The following PLXNA4 variants were observed in gnomAD, a reference collection of about 807,000 sequenced individuals.
PLXNA4 encodes the protein plexin A4.
PLXNA4 carries 44 observed loss-of-function variants against 191.8 expected under a neutral mutation model. The observed-to-expected ratio is 0.23, with a 90% CI of 0.18 to 0.29. The LOEUF (loss-of-function observed/expected upper bound fraction) is 0.29, where lower values mean the gene tolerates loss of function less well. Ranked by LOEUF, PLXNA4 falls within the 10% of genes least tolerant of loss-of-function variation. PLXNA4 has a pLI of 1.00. For synonymous variants in PLXNA4, 1,082 were observed against 1,009.5 expected (o/e 1.07, Z -1.36); for missense variants, 1,800 against 2,488.8 (o/e 0.72, Z 5.89).
At chr7:132,584,040 C>T (rs1446345107) in intron 2 of PLXNA4, among the ~76,000 whole-genome samples, 3 of 152,112 alleles carry the variant, frequency 2.0e-5, no homozygotes, top group Non-Finnish European at 4.4e-5. Flanking sequence ...TTGTGGAGAG[C>T]TGGTTGTTAA....
chr7:132,638,578 G>A (rs1803656049), intron 2 of PLXNA4, among the ~76,000 whole-genome samples: 1 of 152,088 alleles, frequency 6.6e-6, no homozygotes, highest in African/African-American at 2.4e-5. Context: ...CTTGAACCCG[G>A]GTGGCAGAGA....
intron 3 of PLXNA4, among the ~76,000 whole-genome samples, chr7:132,488,205 G>A (rs1030787431): frequency 2.0e-5 from 3 of 152,136 alleles, no homozygotes; most frequent in Non-Finnish European, 4.4e-5. Flanking sequence ...TCCTCCACAT[G>A]CTCCCATTCC....
intron 3 of PLXNA4, among the ~76,000 whole-genome samples, chr7:132,376,883 G>T (rs1321818302): frequency 6.6e-6 from 1 of 152,162 alleles, no homozygotes; most frequent in African/African-American, 2.4e-5. Flanking sequence ...TCGGTGCCAG[G>T]CAGGGTTAAT....
At chr7:132,543,201 T>C (rs1800156370) in intron 1 of PLXNA4, among the ~76,000 whole-genome samples, 1 of 152,198 alleles carries the variant, frequency 6.6e-6, no homozygotes, top group African/African-American at 2.4e-5. Flanking sequence ...TCAGAAATTG[T>C]CATTTTTCTT....
upstream of PLXNA4, among the ~76,000 whole-genome samples, chr7:132,582,146 A>G (rs895189462): frequency 6.6e-6 from 1 of 152,166 alleles, no homozygotes; most frequent in African/African-American, 2.4e-5. Context: ...GACTGGATAC[A>G]ATTCACGTCT....
chr7:132,145,786 G>T (rs970027186), intron 28 of PLXNA4, among the ~76,000 whole-genome samples: 1 of 151,784 alleles, frequency 6.6e-6, no homozygotes, highest in African/African-American at 2.4e-5. Context: ...AAATGGTGCC[G>T]GAGGCCAGAC....
rs139520273 is a variant in PLXNA4 at position 132,208,034 on chromosome 7, C to T, written c.2298+2909G>A. ...TAACAGGATTAAGTAGATACCCTCT[C>T]AGGTCTATTCTTGTCTGATGGTACC... On this transcript the variant is annotated intron_variant, in intron 10 of 31. Transcript: ENST00000321063. 1.1e-3 allele frequency among the ~76,000 whole-genome samples: 167 copies of T among 152,302 alleles called. 1 individual carries two copies. The highest frequency in any genetic ancestry group is 2.0e-3 in the Non-Finnish European group (136 of 68,024).
intron 3 of PLXNA4, chr7:132,384,824 A>T (rs1805053331): frequency 8.8e-7 from 1 of 1,140,766 alleles, no homozygotes; most frequent in Admixed American, 4.7e-5. Flanking sequence ...AAGTGGACAG[A>T]TGAGCATAAG....
chr7:132,170,987 C>T (rs1410105727), intron 21 of PLXNA4, among the ~76,000 whole-genome samples: 2 of 152,180 alleles, frequency 1.3e-5, no homozygotes, highest in African/African-American at 2.4e-5. Context: ...CTGCTTTCTT[C>T]GTGCCTGCCT....
intron 2 of PLXNA4, among the ~76,000 whole-genome samples, chr7:132,644,378 C>T (rs1803814532): frequency 6.6e-6 from 1 of 152,196 alleles, no homozygotes; most frequent in African/African-American, 2.4e-5. Context: ...CTTCGTCTTG[C>T]TCAAGAATCT....
intron 4 of PLXNA4, among the ~76,000 whole-genome samples, chr7:132,275,080 C>T (rs762096663): frequency 6.6e-6 from 1 of 152,064 alleles, no homozygotes; most frequent in Non-Finnish European, 1.5e-5. Context: ...TGCAAATATC[C>T]AGTTTCTCCT....
intron 3 of PLXNA4, among the ~76,000 whole-genome samples, chr7:132,458,376 G>A (rs1283706618): frequency 6.6e-6 from 1 of 151,934 alleles, no homozygotes; most frequent in Non-Finnish European, 1.5e-5. Context: ...ATCAAGGGCA[G>A]CACTGTTCAT....
intron 3 of PLXNA4, among the ~76,000 whole-genome samples, chr7:132,430,738 G>A (rs1795227914): frequency 6.6e-6 from 1 of 152,206 alleles, no homozygotes; most frequent in Non-Finnish European, 1.5e-5. Flanking sequence ...AGGCAAAAGA[G>A]TTTAAACATC....
chr7:132,364,373 G>T (rs867852908), intron 3 of PLXNA4, among the ~76,000 whole-genome samples: 17 of 152,222 alleles, frequency 1.1e-4, no homozygotes, highest in African/African-American at 4.1e-4. Flanking sequence ...CAGCTGGCGA[G>T]ATCAGAGCTA....
chr7:132,416,989 T>TA lies in PLXNA4; in HGVS notation c.1371+72302dup, dbSNP rs896243279. On this transcript the variant is annotated intron_variant, in intron 3 of 31. Coordinates refer to ENST00000321063, the MANE Select transcript of PLXNA4 (RefSeq NM_020911.2). ...ATTCAACTGCATTTCAGATTCTAGT[T>TA]AAAAAAAAAAAGTGACTATATCCTG... is the stretch of plus-strand genomic sequence containing the variant. Among the ~76,000 whole-genome samples the TA allele has an allele frequency of 4.6e-3, 672 of 146,274 alleles. 4 individuals carry two copies. Among genetic ancestry groups the TA allele is most frequent in the African/African-American group, 0.014 (562 of 40,064 alleles).
chr7:132,450,888 T>C (rs1290951995), intron 3 of PLXNA4, among the ~76,000 whole-genome samples: 1 of 152,214 alleles, frequency 6.6e-6, no homozygotes, highest in Non-Finnish European at 1.5e-5. Flanking sequence ...AGTCAGTCCC[T>C]AGTCCTCTTG....
At chr7:132,167,030 G>A (rs1471144249) in intron 22 of PLXNA4, among the ~76,000 whole-genome samples, 2 of 152,178 alleles carry the variant, frequency 1.3e-5, no homozygotes, top group African/African-American at 4.8e-5. Context: ...GACCAAAGAT[G>A]GAAGTCTGGG....
chr7:132,562,265 T>C (rs1372012977), intron 1 of PLXNA4, among the ~76,000 whole-genome samples: 1 of 95,878 alleles, frequency 1.0e-5, no homozygotes, highest in Non-Finnish European at 2.1e-5. Context: ...TCCTCTTCTT[T>C]CTCTGCCTCC....
chr7:132,173,243 T>C (rs912701547), intron 21 of PLXNA4, among the ~76,000 whole-genome samples: 1 of 151,432 alleles, frequency 6.6e-6, no homozygotes, highest in Non-Finnish European at 1.5e-5. Context: ...TGGAGAAAAA[T>C]AAAAGGAAGA....
Sources: gnomAD v4.1 joint callset for allele counts (sites outside exome capture counted in the v4.1 genomes callset) on GRCh38, gnomAD v4.1.1 for gene constraint, MANE v1.5 for transcripts, NCBI Gene and HGNC (gene_info 2026-07-23, HGNC 2026-07-21) for gene names.